Variants in BUB3 observed in about 807,000 individuals in gnomAD.
The protein encoded by BUB3 is BUB3 mitotic checkpoint protein.
Under a neutral mutation model 39.9 loss-of-function variants are expected in BUB3, and 22 were observed. The observed-to-expected ratio is 0.55, with a 90% CI of 0.39 to 0.79. BUB3 has a LOEUF of 0.79. Among genes scored for constraint, BUB3 ranks in the 30% least tolerant of loss-of-function variants. BUB3 has a pLI of 0.00. For missense variants in BUB3, 303 were observed against 415.4 expected (o/e 0.73, Z 2.35); for synonymous variants, 168 against 155.1 (o/e 1.08, Z -0.62).
Position 123,164,020 on chromosome 10 carries a change from A to T in BUB3, c.*185A>T, listed in dbSNP as rs1844456726. On this transcript the variant is annotated 3_prime_UTR_variant, in exon 8 of 8. Transcript: ENST00000368865. Reference sequence around the variant, plus strand: ...AAATAAACACCTTCTTAAGTGCATGAGATGGTTTGATGGTTTGCTGCATTA... The same window carrying T: ...AAATAAACACCTTCTTAAGTGCATGTGATGGTTTGATGGTTTGCTGCATTA... 7.7e-7 allele frequency: 1 copy of T among 1,299,294 alleles called. No homozygotes were observed. Among genetic ancestry groups the T allele is most frequent in the African/African-American group, 1.5e-5 (1 of 64,984 alleles). The allele number at this position is 1,299,294 out of a possible 1,614,324, so 80.5% of individuals were successfully genotyped here.
At chr10:123,155,533 T>C (rs1161113604) in intron 2 of BUB3, 125 bp from the exon 3 acceptor site, 5 of 882,828 alleles carry the variant, frequency 5.7e-6, no homozygotes, top group Non-Finnish European at 7.1e-6. Flanking sequence ...TTTTGGTTTG[T>C]TTACCATGAA....
rs202119934 is a variant in BUB3 at position 123,167,903 on chromosome 10, G to A, written c.*4068G>A. On this transcript the variant is annotated 3_prime_UTR_variant, in exon 8 of 8. Coordinates refer to ENST00000368865, the MANE Select transcript of BUB3 (RefSeq NM_004725.4). ...CATCTCCATCACCTTGTTAAATTGA[G>A]TTAAACAAATTTACAAGTTGACAAA... The A allele has an allele frequency of 1.1e-4, 17 of 151,886 alleles. No individual in the cohort carries two copies. In the East Asian group the frequency reaches 3.1e-3, roughly 28 times the overall value. 9.4% of individuals were successfully genotyped at this position (151,886 alleles called of 1,614,324 possible).
At position 123,160,376 on chromosome 10, in the gene BUB3, AT is replaced by A. The variant is rs764258135; in HGVS notation, c.418-26del. On this transcript the variant is annotated intron_variant, in intron 4 of 7. Coordinates refer to ENST00000368865, the MANE Select transcript of BUB3 (RefSeq NM_004725.4). ...AATGCCATTTTCAGGCAAGAAGGTG[AT>A]TTTTAGCAAGTTTTGATCTTTTTTA... 6.8e-6 allele frequency: 10 copies of A among 1,479,130 alleles called. 1 individual carries two copies. The South Asian group carries it at 1.4e-4, about 21-fold the overall frequency. 91.6% of individuals were successfully genotyped at this position (1,479,130 alleles called of 1,614,324 possible).
intron 5 of BUB3, 45 bp from the exon 6 acceptor site, chr10:123,162,191 G>A (rs1209912044): frequency 6.4e-7 from 1 of 1,566,636 alleles, no homozygotes; most frequent in Non-Finnish European, 8.7e-7. Context: ...CTTGTTTTTG[G>A]AAGCTGGAAT....
Position 123,162,348 on chromosome 10 carries a change from A to G in BUB3, c.689A>G (p.Asn230Ser), listed in dbSNP as rs781479559. 5 of 1,614,196 alleles carry G rather than the reference A, an allele frequency of 3.1e-6. No homozygotes were observed. The highest frequency in any genetic ancestry group is 4.2e-6 in the Non-Finnish European group (5 of 1,180,018). ...AFKCHRLKEN[N>S]IEQIYPVNAI... ...AAATGTCACAGACTAAAAGAAAATA[A>G]TATTGAGCAGATTTACCCAGTCAAT... The change falls in exon 6 of 8, where the codon AAT (asparagine) becomes AGT (serine). Residue 230 changes from asparagine (N) to serine (S), a missense_variant. Around this residue, in one of 2 missense-constraint regions of BUB3, gnomAD observed 182 missense variants for 293.1 expected, o/e 0.62. Coordinates refer to ENST00000368865, the MANE Select transcript of BUB3 (RefSeq NM_004725.4).
Position 123,170,070 on chromosome 10 carries a change from A to T in BUB3, c.*6235A>T, listed in dbSNP as rs907320538. On this transcript the variant is annotated 3_prime_UTR_variant, in exon 8 of 8. Transcript: ENST00000368865. ...AGACCTTATCTTAATCTAAAAAATAAAATTTCTGAGCCTTATTTTCCTCAT... is the reference window on the plus strand; with the variant it reads ...AGACCTTATCTTAATCTAAAAAATATAATTTCTGAGCCTTATTTTCCTCAT... 2 of 152,190 alleles carry T rather than the reference A, an allele frequency of 1.3e-5. No homozygotes were observed. Among genetic ancestry groups the T allele is most frequent in the Non-Finnish European group, 2.9e-5 (2 of 68,044 alleles). The allele number at this position is 152,190 out of a possible 1,614,324, so 9.4% of individuals were successfully genotyped here. A position where few individuals can be genotyped will look rare whatever the true frequency, so the allele number is the denominator to read the frequency against.
rs1388780738 is a variant in BUB3, at chr10:123,165,733, T to C, written c.*1898T>C. The stretch of plus-strand genomic sequence containing the variant: ...GGTAGCTTGTGCATCCCCGTGTTGA[T>C]GTAGTCATAGTCCACACAGAGCCAA... On this transcript the variant is annotated 3_prime_UTR_variant, in exon 8 of 8. Transcript: ENST00000368865. The C allele has an allele frequency of 6.6e-6, 1 of 152,176 alleles. No individual in the cohort carries two copies. Among genetic ancestry groups the C allele is most frequent in the Non-Finnish European group, 1.5e-5 (1 of 68,086 alleles). The allele number at this position is 152,176 out of a possible 1,614,324, so 9.4% of individuals were successfully genotyped here. A position where few individuals can be genotyped will look rare whatever the true frequency, so the allele number is the denominator to read the frequency against.
chr10:123,165,084 G>A lies in BUB3; in HGVS notation c.*1249G>A, dbSNP rs753597737. ...ATCCTGTGAAAGTGGTTTCTCTATG[G>A]AAAGCTTTGTTTGCTTCCTACAAAT... is the stretch of plus-strand genomic sequence containing the variant. On this transcript the variant is annotated 3_prime_UTR_variant, in exon 8 of 8. Coordinates refer to ENST00000368865, the MANE Select transcript of BUB3 (RefSeq NM_004725.4). 3 of 1,606,522 alleles carry A rather than the reference G, an allele frequency of 1.9e-6. No homozygotes were observed. The highest frequency in any genetic ancestry group is 2.6e-6 in the Non-Finnish European group (3 of 1,175,196).
rs1302809356 is a variant in BUB3 at position 123,154,498 on chromosome 10, G to C, written c.-1+13G>C. On this transcript the variant is annotated intron_variant, in intron 1 of 7. Transcript: ENST00000368865. ...AGGGGAGCCCAAGGTAGGGAGGCGA[G>C]GCGACGGTGTGCGGGAGCGGGCTCT... The C allele has an allele frequency of 6.2e-6, 1 of 161,168 alleles. No homozygotes were observed. Among genetic ancestry groups the C allele is most frequent in the African/African-American group, 2.4e-5 (1 of 41,692 alleles). 10.0% of individuals were successfully genotyped at this position (161,168 alleles called of 1,614,324 possible). A position where few individuals can be genotyped will look rare whatever the true frequency, so the allele number is the denominator to read the frequency against.
chr10:123,156,126 C>T (rs1303692276), intron 3 of BUB3, among the ~76,000 whole-genome samples: 1 of 152,074 alleles, frequency 6.6e-6, no homozygotes, highest in Non-Finnish European at 1.5e-5. Context: ...GATTTAAAAC[C>T]TGACAAAAAA....
rs1375625894 is a variant in BUB3 at position 123,168,209 on chromosome 10, T to C, written c.*4374T>C. The C allele has an allele frequency of 6.6e-6, 1 of 152,264 alleles. No homozygotes were observed. The highest frequency in any genetic ancestry group is 2.4e-5 in the African/African-American group (1 of 41,470). 9.4% of individuals were successfully genotyped at this position (152,264 alleles called of 1,614,324 possible). On this transcript the variant is annotated 3_prime_UTR_variant, in exon 8 of 8. Coordinates refer to ENST00000368865, the MANE Select transcript of BUB3 (RefSeq NM_004725.4). The stretch of plus-strand genomic sequence containing the variant: ...CACTGTATGTCAGGGCTCCAGAACT[T>C]ACTCATCTCATAGGAGGCAGCTACT...
At chr10:123,162,582 C>T in intron 6 of BUB3, 30 bp from the exon 7 acceptor site, 2 of 1,591,168 alleles carry the variant, frequency 1.3e-6, no homozygotes, top group Middle Eastern at 1.7e-4. Context: ...GTGTTAAGAA[C>T]CATTTTAACT....
rs1201142579 is a variant in BUB3, at chr10:123,164,696, T to A, written c.*861T>A. On this transcript the variant is annotated 3_prime_UTR_variant, in exon 8 of 8. Transcript: ENST00000368865. Reference sequence around the variant, plus strand: ...TATTTCTCTGACATTTATATAGTTCTTATGTCCATTTCAGTTGACCAGCCG... The same window carrying A: ...TATTTCTCTGACATTTATATAGTTCATATGTCCATTTCAGTTGACCAGCCG... The A allele has an allele frequency of 4.8e-6, 5 of 1,039,024 alleles. No individual in the cohort carries two copies. In the East Asian group the frequency reaches 3.9e-4, roughly 81 times the overall value. 64.4% of individuals were successfully genotyped at this position (1,039,024 alleles called of 1,614,324 possible). A position where few individuals can be genotyped will look rare whatever the true frequency, so the allele number is the denominator to read the frequency against.
At chr10:123,160,373 G>A (rs545235185) in intron 4 of BUB3, 34 bp from the exon 5 acceptor site, 3 of 1,475,788 alleles carry the variant, frequency 2.0e-6, no homozygotes, top group Non-Finnish European at 9.0e-7. Flanking sequence ...AGGCAAGAAG[G>A]TGATTTTTAG....
At chr10:123,163,492 C>G (rs1196004858) in intron 7 of BUB3, among the ~76,000 whole-genome samples, 2 of 152,182 alleles carry the variant, frequency 1.3e-5, no homozygotes, top group African/African-American at 4.8e-5. Flanking sequence ...CAAGTATCTG[C>G]CCAGTTCCTT....
At position 123,163,927 on chromosome 10, in the gene BUB3, A is replaced by G; in HGVS notation, c.*92A>G. 7.2e-7 allele frequency: 1 copy of G among 1,385,648 alleles called. No homozygotes were observed. Among genetic ancestry groups the G allele is most frequent in the Non-Finnish European group, 9.5e-7 (1 of 1,050,162 alleles). The allele number at this position is 1,385,648 out of a possible 1,614,324, so 85.8% of individuals were successfully genotyped here. On this transcript the variant is annotated 3_prime_UTR_variant, in exon 8 of 8. Coordinates refer to ENST00000368865, the MANE Select transcript of BUB3 (RefSeq NM_004725.4). ...TTTATTACTATTAAAGAAACCAGGG[A>G]AAATATTAATTTTAATATTATAACA...
At position 123,164,614 on chromosome 10, in the gene BUB3, T is replaced by C; in HGVS notation, c.*779T>C. The C allele has an allele frequency of 2.0e-6, 2 of 989,988 alleles. No homozygotes were observed. Among genetic ancestry groups the C allele is most frequent in the Non-Finnish European group, 2.4e-6 (2 of 832,968 alleles). The allele number at this position is 989,988 out of a possible 1,614,324, so 61.3% of individuals were successfully genotyped here. ...ATTGCAGTGCATTTAGACAGGCATC[T>C]ATTTGGACCTGTTTCTATCTCTAAA... On this transcript the variant is annotated 3_prime_UTR_variant, in exon 8 of 8. Transcript: ENST00000368865.
Position 123,160,580 on chromosome 10 carries a change from C to A in BUB3, c.576+15C>A. 1 of 1,528,886 alleles carries A rather than the reference C, an allele frequency of 6.5e-7. No homozygotes were observed. The highest frequency in any genetic ancestry group is 2.2e-5 in the Admixed American group (1 of 44,798). 94.7% of individuals were successfully genotyped at this position (1,528,886 alleles called of 1,614,324 possible). On this transcript the variant is annotated intron_variant, in intron 5 of 7. Coordinates refer to ENST00000368865, the MANE Select transcript of BUB3 (RefSeq NM_004725.4). ...CAAACAAGCAGGTATTGAACTATAC[C>A]TCCTCTTCTTTCTGGAATTTGAAAA...
intron 4 of BUB3, among the ~76,000 whole-genome samples, chr10:123,159,663 A>G (rs908995229): frequency 1.3e-5 from 2 of 152,230 alleles, no homozygotes; most frequent in African/African-American, 4.8e-5. Context: ...AATATTGAAG[A>G]AAGACATTAT....
Sources: allele counts gnomAD v4.1 joint callset (sites outside exome capture counted in the v4.1 genomes callset), GRCh38; gene constraint gnomAD v4.1.1; regional missense constraint gnomAD v4.1.1; transcripts MANE v1.5; gene names NCBI Gene and HGNC (gene_info 2026-07-23, HGNC 2026-07-21).